Variants in SLC16A4 observed in about 807,000 individuals in gnomAD.
The protein encoded by SLC16A4 is probable monocarboxylate transporter 5.
Under a neutral mutation model 47.9 loss-of-function variants are expected in SLC16A4, and 39 were observed. The observed-to-expected ratio is 0.81, with a 90% CI of 0.63 to 1.06. SLC16A4 has a LOEUF of 1.06. Among genes scored for constraint, SLC16A4 ranks in the 50% least tolerant of loss-of-function variants. The probability of loss-of-function intolerance (pLI) is 0.00; values close to 1 mark genes in which losing one functional copy is unlikely to be tolerated. For synonymous variants in SLC16A4, 189 were observed against 199.9 expected (o/e 0.95, Z 0.46); for missense variants, 524 against 573.8 (o/e 0.91, Z 0.89).
intron 5 of SLC16A4, 91 bp from the exon 6 acceptor site, chr1:110,379,447 T>TA (rs1662227510): frequency 8.4e-7 from 1 of 1,191,358 alleles, no homozygotes. Context: ...CCCACTGGCA[T>TA]AGCCCATTAA....
intron 8 of SLC16A4, among the ~76,000 whole-genome samples, chr1:110,365,889 C>T (rs1029117312): frequency 1.3e-5 from 2 of 152,168 alleles, no homozygotes; most frequent in African/African-American, 4.8e-5. Flanking sequence ...TCAGATAGCA[C>T]AGCTAAAAAT....
intron 8 of SLC16A4, among the ~76,000 whole-genome samples, chr1:110,369,337 C>T (rs138070268): frequency 0.018 from 2,804 of 152,072 alleles, 51 homozygotes; most frequent in South Asian, 0.063. Context: ...CAGTGGCTCA[C>T]ACCTGTAATC....
At chr1:110,368,956 C>CTTT (rs762080985) in intron 8 of SLC16A4, among the ~76,000 whole-genome samples, 2 of 139,570 alleles carry the variant, frequency 1.4e-5, no homozygotes, top group East Asian at 2.1e-4. Flanking sequence ...AGTTATGAAT[C>CTTT]TTTTTTTTTT....
Position 110,381,098 on chromosome 1 carries a change from G to T in SLC16A4, c.410C>A (p.Thr137Asn), listed in dbSNP as rs775753110. ...FLYQVAAVVT[T>N]KYFKKRLALS... ...AGCCAATCGTTTTTTGAAGTATTTG[G>T]TAGTTACCACAGCAGCCACTTGGTA... Residue 137 changes from threonine (T) to asparagine (N), a missense_variant, in exon 5 of 9, where the codon ACC (threonine) becomes AAC (asparagine). Coordinates refer to ENST00000369779, the MANE Select transcript of SLC16A4 (RefSeq NM_004696.3). 2.5e-6 allele frequency: 4 copies of T among 1,614,096 alleles called. No homozygotes were observed. The highest frequency in any genetic ancestry group is 1.7e-6 in the Non-Finnish European group (2 of 1,179,984).
intron 2 of SLC16A4, among the ~76,000 whole-genome samples, chr1:110,384,017 C>A (rs527297861): frequency 9.9e-5 from 15 of 151,968 alleles, no homozygotes; most frequent in African/African-American, 3.6e-4. Flanking sequence ...AACAGCAGTT[C>A]CAAGATCAGG....
rs199769176 is a variant in SLC16A4 at position 110,381,123 on chromosome 1, A to G, written c.385T>C (p.Tyr129His). The change falls in exon 5 of 9, where the codon TAC becomes CAC. Residue 129 changes from tyrosine (Y) to histidine (H), a missense_variant. Tyr to His is a moderately conservative substitution (Grantham distance 83, BLOSUM62 2). Coordinates refer to ENST00000369779, the MANE Select transcript of SLC16A4 (RefSeq NM_004696.3). The part of the protein sequence containing the change: ...LLPGLGSAFL[Y>H]QVAAVVTTKY... ...GTAGTTACCACAGCAGCCACTTGGT[A>G]TAAGAAAGCAGAACCCAAACCTAAA... is the stretch of plus-strand genomic sequence containing the variant. 4 of 1,614,148 alleles carry G rather than the reference A, an allele frequency of 2.5e-6. No homozygotes were observed. The highest frequency in any genetic ancestry group is 1.1e-5 in the South Asian group (1 of 91,088).
chr1:110,380,196 C>G (rs1024838227), intron 5 of SLC16A4, among the ~76,000 whole-genome samples: 2 of 152,010 alleles, frequency 1.3e-5, no homozygotes, highest in Admixed American at 6.6e-5. Context: ...TTCAGCGTGT[C>G]CTGATCAAAG....
chr1:110,363,621 G>A lies in SLC16A4; in HGVS notation c.*145C>T, dbSNP rs1390048296. 4.3e-5 allele frequency: 30 copies of A among 691,864 alleles called. No homozygotes were observed. The highest frequency in any genetic ancestry group is 3.5e-4 in the East Asian group (10 of 28,816). The allele number at this position is 691,864 out of a possible 1,614,324, so 42.9% of individuals were successfully genotyped here. A position where few individuals can be genotyped will look rare whatever the true frequency, so the allele number is the denominator to read the frequency against. On this transcript the variant is annotated 3_prime_UTR_variant, in exon 9 of 9. Transcript: ENST00000369779. ...AGCCTGGGCGAAAGAGCGAGACTCCGTCTCAAAAAAAAAAAAAAAAAAATT... is the reference window on the plus strand; with the variant it reads ...AGCCTGGGCGAAAGAGCGAGACTCCATCTCAAAAAAAAAAAAAAAAAAATT...
At chr1:110,385,792 G>A (rs920152796) in intron 2 of SLC16A4, among the ~76,000 whole-genome samples, 3 of 152,198 alleles carry the variant, frequency 2.0e-5, no homozygotes, top group Admixed American at 6.5e-5. Flanking sequence ...TGCTATAAAC[G>A]CCAGGACTAT....
chr1:110,374,432 TCTTA>T (rs1269681869), intron 8 of SLC16A4, among the ~76,000 whole-genome samples: 2 of 152,224 alleles, frequency 1.3e-5, no homozygotes, highest in African/African-American at 4.8e-5. Flanking sequence ...CTCCCTTCTG[TCTTA>T]CTTCAGGACT....
intron 1 of SLC16A4, among the ~76,000 whole-genome samples, chr1:110,390,212 A>G (rs1662964834): frequency 6.6e-6 from 1 of 152,036 alleles, no homozygotes. Flanking sequence ...CACTCCTAGA[A>G]CTGTACTCAG....
chr1:110,376,691 T>C lies in SLC16A4; in HGVS notation c.1242+259A>G, dbSNP rs1662022407. Among the ~76,000 whole-genome samples, 5 of 152,186 alleles carry C rather than the reference T, an allele frequency of 3.3e-5. No homozygotes were observed. In the South Asian group the frequency reaches 6.2e-4, roughly 19 times the overall value. On this transcript the variant is annotated intron_variant, in intron 7 of 8. Coordinates refer to ENST00000369779, the MANE Select transcript of SLC16A4 (RefSeq NM_004696.3). ...TGAACACAATCCTAATCTAGGAGAC[T>C]GATAAGTAAAAAGGAATCCTGCTGA...
intron 6 of SLC16A4, among the ~76,000 whole-genome samples, chr1:110,377,827 TTTATTTTATTA>T (rs1194582588): frequency 6.6e-6 from 1 of 152,034 alleles, no homozygotes; most frequent in Non-Finnish European, 1.5e-5. Context: ...TTTATTTATT[TTTATTTTATTA>T]TTATTTTTTG....
At chr1:110,370,235 T>C (rs920106211) in intron 8 of SLC16A4, 2 of 151,988 alleles carry the variant, frequency 1.3e-5, no homozygotes, top group African/African-American at 2.4e-5. Flanking sequence ...AAATATTTAC[T>C]TTTTTTTAGC....
At chr1:110,378,716 C>T in intron 6 of SLC16A4, 137 bp downstream of exon 6, 2 of 1,013,816 alleles carry the variant, frequency 2.0e-6, no homozygotes, top group South Asian at 3.5e-5. Flanking sequence ...CTCCATCTAG[C>T]CTCAAAAATT....
chr1:110,381,334 T>C (rs1169389587), intron 4 of SLC16A4, among the ~76,000 whole-genome samples, 191 bp from the exon 5 acceptor site: 6 of 149,148 alleles, frequency 4.0e-5, no homozygotes, highest in African/African-American at 1.5e-4. Flanking sequence ...CACACACACA[T>C]ATTTTGAGAC....
At chr1:110,374,735 G>A (rs1159284098) in intron 8 of SLC16A4, among the ~76,000 whole-genome samples, 3 of 152,238 alleles carry the variant, frequency 2.0e-5, no homozygotes, top group South Asian at 2.1e-4. Flanking sequence ...TACTGTACTT[G>A]TATATAATAA....
At position 110,363,817 on chromosome 1, in the gene SLC16A4, A is replaced by G. The variant is rs765169039; in HGVS notation, c.1413T>C (p.Val471=). Residue 471 remains valine (V), a synonymous_variant, in exon 9 of 9, where the codon GTT becomes GTC. Coordinates refer to ENST00000369779, the MANE Select transcript of SLC16A4 (RefSeq NM_004696.3). ...CGGCCAATGGTACAAAAAAAAAGGAAACTGAAGAGAGGAGATAGCATATGC... is the reference window on the plus strand; with the variant it reads ...CGGCCAATGGTACAAAAAAAAAGGAGACTGAAGAGAGGAGATAGCATATGC... ...FSGICYLLSS[V]SFFFVPLAER... 6.2e-6 allele frequency: 10 copies of G among 1,612,774 alleles called. No individual in the cohort carries two copies. The Middle Eastern group carries it at 4.9e-4, about 80-fold the overall frequency.
chr1:110,387,351 CT>C (rs948343238), intron 2 of SLC16A4, among the ~76,000 whole-genome samples: 2 of 152,140 alleles, frequency 1.3e-5, no homozygotes, highest in Non-Finnish European at 2.9e-5. Context: ...ATCTCTCTCT[CT>C]TTTTTTAAGT....
Sources: gnomAD v4.1 joint callset for allele counts (sites outside exome capture counted in the v4.1 genomes callset) on GRCh38, gnomAD v4.1.1 for gene constraint, MANE v1.5 for transcripts, NCBI Gene and HGNC (gene_info 2026-07-23, HGNC 2026-07-21) for gene names.